The following VANGL2 variants were observed in gnomAD, a reference collection of about 807,000 sequenced individuals.
The protein encoded by VANGL2 is vang-like protein 2.
A neutral mutation model predicts 50.2 loss-of-function variants in VANGL2; 14 were observed. That is an observed-to-expected ratio of 0.28 (90% CI 0.18 to 0.44). The LOEUF is 0.44. VANGL2 is among the 20% of genes least tolerant of loss of function. The pLI, the probability that VANGL2 is intolerant of heterozygous loss-of-function variation, is 1.00. For synonymous variants in VANGL2, 295 were observed against 297.2 expected (o/e 0.99, Z 0.08); for missense variants, 533 against 701.5 (o/e 0.76, Z 2.71).
rs1651200528 is a variant in VANGL2, at chr1:160,419,713, C to T, written c.800+104C>T. The T allele has an allele frequency of 1.4e-5, 21 of 1,477,754 alleles. No homozygotes were observed. The Admixed American group carries it at 4.9e-4, about 35-fold the overall frequency. 91.5% of individuals were successfully genotyped at this position (1,477,754 alleles called of 1,614,324 possible). A position where few individuals can be genotyped will look rare whatever the true frequency, so the allele number is the denominator to read the frequency against. Reference sequence around the variant, plus strand: ...ATGATGGTGGGCTGGAGGTGATGGGCTTGGAGGGTTGTGTGGGAGGGAGTT... The same window carrying T: ...ATGATGGTGGGCTGGAGGTGATGGGTTTGGAGGGTTGTGTGGGAGGGAGTT... On this transcript the variant is annotated intron_variant, in intron 4 of 7. Coordinates refer to ENST00000368061, the MANE Select transcript of VANGL2 (RefSeq NM_020335.3). This position sits in a 1 kb window ranked among gnomAD's most constrained non-coding sequence, Gnocchi z 5.8.
rs187089018 is a variant in VANGL2 at position 160,406,603 on chromosome 1, T to C, written c.-191+5734T>C. ...GTGAATGGGAGGAGCCTGGTCCTTA[T>C]TGTCTGTAGGGTTTTCTCACAGCCC... On this transcript the variant is annotated intron_variant, in intron 1 of 7. Coordinates refer to ENST00000368061, the MANE Select transcript of VANGL2 (RefSeq NM_020335.3). 5.3e-5 allele frequency among the ~76,000 whole-genome samples: 8 copies of C among 152,234 alleles called. No homozygotes were observed. In the East Asian group the frequency reaches 1.5e-3, roughly 29 times the overall value.
At position 160,425,512 on chromosome 1, in the gene VANGL2, C is replaced by A. The variant is rs529068314; in HGVS notation, c.*134C>A. On this transcript the variant is annotated 3_prime_UTR_variant, in exon 8 of 8. Coordinates refer to ENST00000368061, the MANE Select transcript of VANGL2 (RefSeq NM_020335.3). Reference sequence around the variant, plus strand: ...TTTTTTTTTTACTTGAATTAACGCACCCCCACCTTCTCTCCTCGCTTCTTC... The same window carrying A: ...TTTTTTTTTTACTTGAATTAACGCAACCCCACCTTCTCTCCTCGCTTCTTC... 9 of 818,490 alleles carry A rather than the reference C, an allele frequency of 1.1e-5. No individual in the cohort carries two copies. Among genetic ancestry groups the A allele is most frequent in the Non-Finnish European group, 1.3e-5 (7 of 537,020 alleles). 50.7% of individuals were successfully genotyped at this position (818,490 alleles called of 1,614,324 possible). A position where few individuals can be genotyped will look rare whatever the true frequency, so the allele number is the denominator to read the frequency against.
In VANGL2 at chr1:160,419,987, C is replaced by A. The variant is rs550421536; in HGVS notation, c.800+378C>A. ...AGCTTCTTGTGAGCACTCAGAGTGG[C>A]CTGTGAAGTGACCTGGCCAGAGGAG... On this transcript the variant is annotated intron_variant, in intron 4 of 7. Transcript: ENST00000368061. The surrounding 1 kb of genome is among the most constrained non-coding windows in gnomAD (Gnocchi z 5.8). Among the ~76,000 whole-genome samples, 1 of 152,020 alleles carries A rather than the reference C, an allele frequency of 6.6e-6. No homozygotes were observed. Among genetic ancestry groups the A allele is most frequent in the African/African-American group, 2.4e-5 (1 of 41,372 alleles).
rs1413096766 is a variant in VANGL2 at position 160,419,183 on chromosome 1, C to G, written c.374C>G (p.Ala125Gly). 1.9e-6 allele frequency: 3 copies of G among 1,613,704 alleles called. No individual in the cohort carries two copies. The highest frequency in any genetic ancestry group is 8.5e-7 in the Non-Finnish European group (1 of 1,180,016). Residue 125 changes from alanine (A) to glycine (G), a missense_variant, in exon 4 of 8, where the codon GCC (alanine) becomes GGC (glycine). Physicochemically the swap from Ala to Gly is moderately conservative, Grantham distance 60 (BLOSUM62 0). Transcript: ENST00000368061. The surrounding 1 kb of genome is among the most constrained non-coding windows in gnomAD (Gnocchi z 5.8). ...LALLSFLTPLAFLLLPPLLWR... is the reference protein window; with the variant it reads ...LALLSFLTPLGFLLLPPLLWR... ...CTGCTGTCTTTCCTCACGCCTCTGG[C>G]CTTCCTGCTGCTGCCCCCACTGCTG...
intron 6 of VANGL2, among the ~76,000 whole-genome samples, chr1:160,422,967 A>C (rs951420745): frequency 6.7e-6 from 1 of 150,272 alleles, no homozygotes; most frequent in Non-Finnish European, 1.5e-5. Context: ...GTGCAGTGGC[A>C]TGATCTCAGC....
intron 1 of VANGL2, among the ~76,000 whole-genome samples, chr1:160,414,472 C>T (rs1036681810): frequency 6.6e-6 from 1 of 152,190 alleles, no homozygotes; most frequent in Non-Finnish European, 1.5e-5. Flanking sequence ...TTTTCTCAGA[C>T]TTTCTAGAAC....
intron 1 of VANGL2, among the ~76,000 whole-genome samples, chr1:160,402,498 C>G (rs1202234686): frequency 6.6e-6 from 1 of 152,152 alleles, no homozygotes; most frequent in Non-Finnish European, 1.5e-5. Context: ...TGGGGAACAG[C>G]TTGGGTTCCC....
intron 5 of VANGL2, 62 bp downstream of exon 5, chr1:160,420,609 CCTCT>C: frequency 1.2e-6 from 2 of 1,612,326 alleles, no homozygotes; most frequent in Admixed American, 1.7e-5. Flanking sequence ...CAAGTTCCCG[CCTCT>C]CTTTTACCCT....
chr1:160,425,085 A>G, intron 7 of VANGL2, 33 bp from the exon 8 acceptor site: 1 of 1,613,874 alleles, frequency 6.2e-7, no homozygotes, highest in South Asian at 1.1e-5. Context: ...TAGATGACAG[A>G]GATTCTTATG....
chr1:160,422,626 C>T (rs1400346064), intron 6 of VANGL2, among the ~76,000 whole-genome samples: 1 of 152,220 alleles, frequency 6.6e-6, no homozygotes. Context: ...TGGTCCTGCT[C>T]TTAGGCCAGG....
chr1:160,413,082 T>C (rs11806185), intron 1 of VANGL2, among the ~76,000 whole-genome samples: 9,026 of 152,262 alleles, frequency 0.059, 305 homozygotes, highest in Non-Finnish European at 0.074. Flanking sequence ...AGCTGCCTAA[T>C]GACACATTTC....
intron 6 of VANGL2, 58 bp from the exon 7 acceptor site, chr1:160,423,994 G>C: frequency 6.3e-7 from 1 of 1,588,028 alleles, no homozygotes; most frequent in Non-Finnish European, 8.6e-7. Context: ...CTAGGGGAGA[G>C]GGGTGGGGTG....
At chr1:160,412,070 C>A (rs183233355) in intron 1 of VANGL2, among the ~76,000 whole-genome samples, 69 of 152,296 alleles carry the variant, frequency 4.5e-4, no homozygotes, top group African/African-American at 1.6e-3. Context: ...GTGATCCTTA[C>A]GGCTACCCCA....
intron 1 of VANGL2, among the ~76,000 whole-genome samples, chr1:160,402,754 AG>A (rs1382999483): frequency 6.6e-6 from 1 of 151,966 alleles, no homozygotes; most frequent in Non-Finnish European, 1.5e-5. Flanking sequence ...CTATCCAGGA[AG>A]TGAATGTCTC....
At chr1:160,406,983 C>T (rs1223482206) in intron 1 of VANGL2, among the ~76,000 whole-genome samples, 1 of 152,158 alleles carries the variant, frequency 6.6e-6, no homozygotes, top group Non-Finnish European at 1.5e-5. Context: ...CTGCCTCGGC[C>T]TCCCTAAGTG....
chr1:160,414,868 A>AGAG (rs1651000087), intron 1 of VANGL2, among the ~76,000 whole-genome samples: 1 of 151,932 alleles, frequency 6.6e-6, no homozygotes, highest in Non-Finnish European at 1.5e-5. Flanking sequence ...TAGAGAGAGG[A>AGAG]GAGGTCATTC....
chr1:160,413,887 A>C (rs1391052261), intron 1 of VANGL2, among the ~76,000 whole-genome samples: 1 of 152,100 alleles, frequency 6.6e-6, no homozygotes, highest in African/African-American at 2.4e-5. Context: ...CTACTGTCTC[A>C]TGGCCACTAA....
intron 1 of VANGL2, among the ~76,000 whole-genome samples, chr1:160,406,543 A>G (rs1168706758): frequency 6.6e-6 from 1 of 152,104 alleles, no homozygotes; most frequent in African/African-American, 2.4e-5. Context: ...GAGTGACTGT[A>G]GGCTCCGGCC....
chr1:160,424,409 C>G, intron 7 of VANGL2, 126 bp downstream of exon 7: 1 of 958,232 alleles, frequency 1.0e-6, no homozygotes, highest in South Asian at 1.4e-5. Flanking sequence ...CTCACCACCT[C>G]CTTTTTATAA....
Sources: gnomAD v4.1 joint callset for allele counts (sites outside exome capture counted in the v4.1 genomes callset) on GRCh38, gnomAD v4.1.1 for gene constraint, Gnocchi (gnomAD v3.1) non-coding constraint, MANE v1.5 for transcripts, NCBI Gene and HGNC (gene_info 2026-07-23, HGNC 2026-07-21) for gene names.